Variants in HMGB1 observed in about 807,000 individuals in gnomAD.
The protein encoded by HMGB1 is high mobility group box 1.
For missense variants in HMGB1, 79 were observed against 253.5 expected (o/e 0.31, Z 4.67); for synonymous variants, 81 against 84.0 (o/e 0.96, Z 0.19).
At chr13:30,553,927 C>T in intron 1 of HMGB1, 8 of 1,440,106 alleles carry the variant, frequency 5.6e-6, no homozygotes, top group Non-Finnish European at 7.8e-6. Flanking sequence ...TACATCTTAA[C>T]ACCGGGTCCA....
intron 1 of HMGB1, among the ~76,000 whole-genome samples, chr13:30,487,513 G>A (rs868721836): frequency 1.3e-5 from 2 of 152,218 alleles, no homozygotes; most frequent in Non-Finnish European, 2.9e-5. Context: ...ATTCTGACTT[G>A]ATGATTTCTA....
At chr13:30,579,099 A>ACTAGAACTGTACCTGAGAC in intron 1 of HMGB1, among the ~76,000 whole-genome samples, 1 of 152,246 alleles carries the variant, frequency 6.6e-6, no homozygotes, top group Non-Finnish European at 1.5e-5. Flanking sequence ...TGTCCTGGGA[A>ACTAGAACTGTACCTGAGAC]CTAGAACTGT....
intron 1 of HMGB1, among the ~76,000 whole-genome samples, chr13:30,564,165 G>A (rs1466393972): frequency 6.6e-6 from 1 of 151,564 alleles, no homozygotes; most frequent in Non-Finnish European, 1.5e-5. Context: ...ACGTGCAGTG[G>A]CTCATGCCTG....
At chr13:30,529,372 C>A (rs746887731) in intron 1 of HMGB1, among the ~76,000 whole-genome samples, 10 of 152,118 alleles carry the variant, frequency 6.6e-5, no homozygotes, top group Non-Finnish European at 1.3e-4. Context: ...GTCCTATGAA[C>A]CAAGGACAAC....
chr13:30,552,930 C>A (rs577504566), intron 1 of HMGB1, among the ~76,000 whole-genome samples: 1 of 152,190 alleles, frequency 6.6e-6, no homozygotes, highest in Non-Finnish European at 1.5e-5. Flanking sequence ...TAGTTTCTGG[C>A]CCCAGGGCTA....
At chr13:30,592,492 A>G (rs978311616) in intron 1 of HMGB1, among the ~76,000 whole-genome samples, 14 of 152,190 alleles carry the variant, frequency 9.2e-5, no homozygotes, top group African/African-American at 3.4e-4. Context: ...AAGTATCTTT[A>G]GTAGTACTCT....
intron 1 of HMGB1, among the ~76,000 whole-genome samples, chr13:30,536,918 C>T (rs2137493144): frequency 6.6e-6 from 1 of 152,300 alleles, no homozygotes; most frequent in South Asian, 2.1e-4. Flanking sequence ...CTGGATTCAT[C>T]TCCAAGCCCG....
At chr13:30,590,153 T>C (rs1166857419) in intron 1 of HMGB1, among the ~76,000 whole-genome samples, 10 of 152,158 alleles carry the variant, frequency 6.6e-5, no homozygotes, top group Admixed American at 2.0e-4. Flanking sequence ...CTTTCTATGA[T>C]GGAAATCTTC....
intron 1 of HMGB1, among the ~76,000 whole-genome samples, chr13:30,550,371 GACA>G (rs1409796877): frequency 6.6e-6 from 1 of 152,212 alleles, no homozygotes; most frequent in Non-Finnish European, 1.5e-5. Context: ...GAGGAAAGCA[GACA>G]ACGAGAAGCT....
chr13:30,545,764 T>C (rs1177353735), intron 1 of HMGB1, among the ~76,000 whole-genome samples: 5 of 152,072 alleles, frequency 3.3e-5, no homozygotes, highest in African/African-American at 7.2e-5. Flanking sequence ...GGTGCAATCA[T>C]GGATCACTGT....
chr13:30,458,033 A>G lies in HMGB1; in HGVS notation c.*3324T>C, dbSNP rs1361109263. On this transcript the variant is annotated 3_prime_UTR_variant, in exon 5 of 5. Coordinates refer to ENST00000341423, the MANE Select transcript of HMGB1 (RefSeq NM_002128.7). ...ATCACACTCCCTAATAAAACAGCCT[A>G]ATTACCAAAGGCTCACATTTTAGCA... 1 of 152,182 alleles carries G rather than the reference A, an allele frequency of 6.6e-6. No homozygotes were observed. Among genetic ancestry groups the G allele is most frequent in the Non-Finnish European group, 1.5e-5 (1 of 68,018 alleles). The allele number at this position is 152,182 out of a possible 1,614,324, so 9.4% of individuals were successfully genotyped here. A position where few individuals can be genotyped will look rare whatever the true frequency, so the allele number is the denominator to read the frequency against.
In HMGB1 at chr13:30,460,407, A is replaced by C. The variant is rs1886246668; in HGVS notation, c.*950T>G. The C allele has an allele frequency of 6.6e-6, 1 of 151,620 alleles. No homozygotes were observed. 9.4% of individuals were successfully genotyped at this position (151,620 alleles called of 1,614,324 possible). ...TCACTGAGACTAATGTCAACAAAAA[A>C]TTTAATATGGCAGTCTTGTATTTTA... On this transcript the variant is annotated 3_prime_UTR_variant, in exon 5 of 5. Transcript: ENST00000341423.
rs2137383038 is a variant in HMGB1, at chr13:30,459,024, C to T, written c.*2333G>A. ...GTTCATTAGTTTTAAAAAGCATCTTCATTTTAAAAGTTGGCCCAATTAATT... is the reference window on the plus strand; with the variant it reads ...GTTCATTAGTTTTAAAAAGCATCTTTATTTTAAAAGTTGGCCCAATTAATT... On this transcript the variant is annotated 3_prime_UTR_variant, in exon 5 of 5. Coordinates refer to ENST00000341423, the MANE Select transcript of HMGB1 (RefSeq NM_002128.7). 1 of 152,278 alleles carries T rather than the reference C, an allele frequency of 6.6e-6. No individual in the cohort carries two copies. Among genetic ancestry groups the T allele is most frequent in the Non-Finnish European group, 1.5e-5 (1 of 68,010 alleles). 9.4% of individuals were successfully genotyped at this position (152,278 alleles called of 1,614,324 possible).
intron 1 of HMGB1, chr13:30,464,565 C>A: frequency 3.0e-6 from 3 of 984,388 alleles, no homozygotes; most frequent in Non-Finnish European, 3.6e-6. Flanking sequence ...GTGCGCCCGG[C>A]AGGCCCTGCA....
intron 1 of HMGB1, among the ~76,000 whole-genome samples, chr13:30,562,021 C>T (rs1378071029): frequency 1.3e-5 from 2 of 152,144 alleles, no homozygotes; most frequent in Non-Finnish European, 2.9e-5. Context: ...GTGTCTTATA[C>T]AGAAGTTGTG....
intron 1 of HMGB1, among the ~76,000 whole-genome samples, chr13:30,492,851 C>T (rs1004396897): frequency 1.8e-4 from 27 of 151,766 alleles, no homozygotes; most frequent in Admixed American, 9.9e-4. Flanking sequence ...ATTAGCTGGG[C>T]GTGGTAGCGT....
chr13:30,567,343 A>ATTTT (rs34781585), intron 1 of HMGB1, among the ~76,000 whole-genome samples: 1 of 138,818 alleles, frequency 7.2e-6, no homozygotes, highest in Non-Finnish European at 1.6e-5. Flanking sequence ...TGTTAACCAA[A>ATTTT]TTTTTTTTTT....
At chr13:30,492,182 A>T (rs1593273369) in intron 1 of HMGB1, among the ~76,000 whole-genome samples, 1 of 151,866 alleles carries the variant, frequency 6.6e-6, no homozygotes, top group Non-Finnish European at 1.5e-5. Context: ...AAAAAAAGAA[A>T]GAAAGATATG....
In HMGB1 at chr13:30,461,551, G is replaced by A. The variant is rs148815417; in HGVS notation, c.472-18C>T. 2.1e-4 allele frequency: 332 copies of A among 1,576,268 alleles called. No individual in the cohort carries two copies. The African/African-American group carries it at 2.5e-3, about 12-fold the overall frequency. ...GCAATATCCTTCCAAAGCAAAGGGAGGATAAAACAGTAGGGAAGAAAAAAA... is the reference window on the plus strand; with the variant it reads ...GCAATATCCTTCCAAAGCAAAGGGAAGATAAAACAGTAGGGAAGAAAAAAA... On this transcript the variant is annotated intron_variant, in intron 4 of 4. Transcript: ENST00000341423.
Sources: gnomAD v4.1 joint callset for allele counts (sites outside exome capture counted in the v4.1 genomes callset) on GRCh38, gnomAD v4.1.1 for gene constraint, MANE v1.5 for transcripts, NCBI Gene and HGNC (gene_info 2026-07-23, HGNC 2026-07-21) for gene names.